SAMD4B: variants seen among roughly 807,000 people sequenced by gnomAD.
SAMD4B encodes sterile alpha motif domain containing 4B.
Under a neutral mutation model 74.5 loss-of-function variants are expected in SAMD4B, and 5 were observed. That is an observed-to-expected ratio of 0.07 (90% CI 0.04 to 0.14). SAMD4B has a LOEUF of 0.14. Among genes scored for constraint, SAMD4B ranks in the 10% least tolerant of loss-of-function variants. The pLI is 1.00. For synonymous variants in SAMD4B, 373 were observed against 374.9 expected (o/e 1.00, Z 0.06); for missense variants, 608 against 921.8 (o/e 0.66, Z 4.41).
intron 3 of SAMD4B, chr19:39,369,374 C>T (rs1305924933): frequency 1.1e-5 from 5 of 438,788 alleles, no homozygotes; most frequent in Non-Finnish European, 2.1e-5. Context: ...AACTCCCGTG[C>T]TGATCAATAG....
chr19:39,387,093 A>T, downstream of SAMD4B: 1 of 509,782 alleles, frequency 2.0e-6, no homozygotes, highest in Middle Eastern at 2.9e-4. Flanking sequence ...ACATTCTGAG[A>T]TATACATCAT....
At position 39,385,696 on chromosome 19, in the gene SAMD4B, AC is replaced by A. The variant is rs1186328031; in HGVS notation, c.*2170del. The A allele has an allele frequency of 1.9e-6, 1 of 528,926 alleles. No individual in the cohort carries two copies. Among genetic ancestry groups the A allele is most frequent in the Admixed American group, 3.6e-5 (1 of 27,450 alleles). The allele number at this position is 528,926 out of a possible 1,614,324, so 32.8% of individuals were successfully genotyped here. A position where few individuals can be genotyped will look rare whatever the true frequency, so the allele number is the denominator to read the frequency against. ...GAAAAAAAAAAAACAAACAAAAAAA[AC>A]GAATTCTGACCTTCGTTGTGCTACA... On this transcript the variant is annotated 3_prime_UTR_variant, in exon 14 of 14. Coordinates refer to ENST00000610417, the MANE Select transcript of SAMD4B (RefSeq NM_001384574.2).
chr19:39,345,583 C>T (rs2075648024), intron 1 of SAMD4B, among the ~76,000 whole-genome samples: 1 of 152,160 alleles, frequency 6.6e-6, no homozygotes, highest in Non-Finnish European at 1.5e-5. Flanking sequence ...GCCAAGACCC[C>T]TCCACCTCCA....
chr19:39,366,624 G>A lies in SAMD4B; in HGVS notation c.197-3031G>A, dbSNP rs570789611. Among the ~76,000 whole-genome samples the A allele has an allele frequency of 2.6e-5, 4 of 152,328 alleles. No individual in the cohort carries two copies. The East Asian group carries it at 7.7e-4, about 29-fold the overall frequency. On this transcript the variant is annotated intron_variant, in intron 3 of 13. Coordinates refer to ENST00000610417, the MANE Select transcript of SAMD4B (RefSeq NM_001384574.2). ...TACAAACTTAAGCAGAATTAGGAGT[G>A]TATGTGAATTCTAGGCCACAGAGTT...
At chr19:39,369,544 C>A in intron 3 of SAMD4B, 111 bp from the exon 4 acceptor site, 1 of 813,830 alleles carries the variant, frequency 1.2e-6, no homozygotes, top group Non-Finnish European at 1.9e-6. Flanking sequence ...AAAAGAAAAT[C>A]GTTATGAAAA....
At chr19:39,372,059 G>A (rs776865801) in intron 4 of SAMD4B, among the ~76,000 whole-genome samples, 42 of 152,220 alleles carry the variant, frequency 2.8e-4, no homozygotes, top group Non-Finnish European at 5.6e-4. Flanking sequence ...CATACCTTTT[G>A]TGCTCCCCAT....
rs1486880335 is a variant in SAMD4B, at chr19:39,375,918, C to T, written c.907+29C>T. 6.3e-7 allele frequency: 1 copy of T among 1,592,022 alleles called. No homozygotes were observed. The highest frequency in any genetic ancestry group is 1.3e-5 in the African/African-American group (1 of 74,714). ...CATTGGGGACAGCAGCACCAGGACC[C>T]TTTTCCAGGGGCTTCTGCAGAGCTT... On this transcript the variant is annotated intron_variant, in intron 5 of 13. Coordinates refer to ENST00000610417, the MANE Select transcript of SAMD4B (RefSeq NM_001384574.2). The surrounding 1 kb of genome is among the most constrained non-coding windows in gnomAD (Gnocchi z 4.1).
chr19:39,381,870 T>C (rs2078010312), intron 12 of SAMD4B, among the ~76,000 whole-genome samples: 1 of 152,170 alleles, frequency 6.6e-6, no homozygotes, highest in Non-Finnish European at 1.5e-5. Context: ...AGGTCAAGGC[T>C]GTAGTGAGCA....
Position 39,381,051 on chromosome 19 carries a change from T to A in SAMD4B, c.1910T>A (p.Val637Glu). ...ATGCCCAGTCAGAGCCGCAGCTCTG[T>A]GCAGCGCACCCACTCGCTCCCGGTC... ...NSMPSQSRSS[V>E]QRTHSLPVHS... Residue 637 changes from valine to glutamate, a missense_variant, in exon 12 of 14, where the codon GTG becomes GAG. Val to Glu is a moderately radical substitution (Grantham distance 121, BLOSUM62 -2). This residue lies in a region of SAMD4B where 167 missense variants were observed against 193.0 expected (regional missense o/e 0.87). Coordinates refer to ENST00000610417, the MANE Select transcript of SAMD4B (RefSeq NM_001384574.2). 1.2e-6 allele frequency: 2 copies of A among 1,613,088 alleles called. No individual in the cohort carries two copies. The highest frequency in any genetic ancestry group is 8.5e-7 in the Non-Finnish European group (1 of 1,179,908).
chr19:39,368,187 C>G (rs1349491301), intron 3 of SAMD4B, among the ~76,000 whole-genome samples: 2 of 152,028 alleles, frequency 1.3e-5, no homozygotes, highest in Non-Finnish European at 2.9e-5. Flanking sequence ...GCACTCCAGC[C>G]TGGGCGACAG....
At chr19:39,377,323 A>G (rs937426240) in intron 7 of SAMD4B, among the ~76,000 whole-genome samples, 162 bp from the exon 8 acceptor site, 3 of 151,896 alleles carry the variant, frequency 2.0e-5, no homozygotes, top group African/African-American at 7.3e-5. Context: ...ATGTGTACCT[A>G]TATGTTTGTG....
At chr19:39,349,341 C>T (rs1272553420) in intron 1 of SAMD4B, among the ~76,000 whole-genome samples, 1 of 152,006 alleles carries the variant, frequency 6.6e-6, no homozygotes, top group African/African-American at 2.4e-5. Flanking sequence ...ATAAACTTTT[C>T]GGGGGGAAGG....
At position 39,354,074 on chromosome 19, in the gene SAMD4B, C is replaced by G. The variant is rs1283233302; in HGVS notation, c.-206+8C>G. 1 of 152,186 alleles carries G rather than the reference C, an allele frequency of 6.6e-6. No individual in the cohort carries two copies. Among genetic ancestry groups the G allele is most frequent in the African/African-American group, 2.4e-5 (1 of 41,442 alleles). The allele number at this position is 152,186 out of a possible 1,614,324, so 9.4% of individuals were successfully genotyped here. On this transcript the variant is annotated splice_region_variant and intron_variant, in intron 2 of 13. Transcript: ENST00000610417. Reference sequence around the variant, plus strand: ...TTGGAGTTAGCCTGTGAGGTAAAACCTATTTGTCATGTCTCACCCAGTCCC... The same window carrying G: ...TTGGAGTTAGCCTGTGAGGTAAAACGTATTTGTCATGTCTCACCCAGTCCC...
intron 12 of SAMD4B, among the ~76,000 whole-genome samples, chr19:39,382,442 C>A (rs775235814): frequency 2.0e-5 from 3 of 151,814 alleles, no homozygotes; most frequent in Non-Finnish European, 2.9e-5. Context: ...AAAAAAAATT[C>A]TTTTTTTTAA....
At chr19:39,343,000 C>G (rs1219758772) in intron 1 of SAMD4B, among the ~76,000 whole-genome samples, 1 of 151,840 alleles carries the variant, frequency 6.6e-6, no homozygotes, top group East Asian at 2.0e-4. Flanking sequence ...CAGCTTTCCT[C>G]GCAGACCCCC....
chr19:39,386,040 C>G (rs2078239660), downstream of SAMD4B: 3 of 1,613,868 alleles, frequency 1.9e-6, no homozygotes, highest in Non-Finnish European at 2.5e-6. The surrounding 1 kb of genome is among the most constrained non-coding windows in gnomAD (Gnocchi z 6.1). Context: ...TGCAGCTTCA[C>G]TGCCATCCTC....
At chr19:39,367,265 C>T (rs2077012913) in intron 3 of SAMD4B, among the ~76,000 whole-genome samples, 4 of 152,140 alleles carry the variant, frequency 2.6e-5, no homozygotes, top group Admixed American at 2.0e-4. Context: ...ATTTCCAAGA[C>T]CTCACCATTA....
At chr19:39,376,290 G>T in intron 5 of SAMD4B, 147 bp from the exon 6 acceptor site, 1 of 638,996 alleles carries the variant, frequency 1.6e-6, no homozygotes, top group Non-Finnish European at 2.7e-6. Flanking sequence ...GATGAAGAAG[G>T]AGCTGATGGA....
At chr19:39,385,998 C>CT (rs1185787065), downstream of SAMD4B, 1 of 1,613,584 alleles carries the variant, frequency 6.2e-7, no homozygotes, top group South Asian at 1.1e-5. Context: ...GACTCAGTCA[C>CT]TGTCACTATC....
Sources: allele counts gnomAD v4.1 joint callset (sites outside exome capture counted in the v4.1 genomes callset), GRCh38; gene constraint gnomAD v4.1.1; regional missense constraint gnomAD v4.1.1; non-coding constraint Gnocchi (gnomAD v3.1); transcripts MANE v1.5; gene names NCBI Gene and HGNC (gene_info 2026-07-23, HGNC 2026-07-21).